Variants in PDE10A observed in about 807,000 individuals in gnomAD.
PDE10A encodes phosphodiesterase 10A, also known as cAMP and cAMP-inhibited cGMP 3',5'-cyclic phosphodiesterase 10A.
PDE10A carries 39 observed loss-of-function variants against 97.7 expected under a neutral mutation model. The ratio of observed to expected loss-of-function variants is 0.40; its 90% CI spans 0.31 to 0.52. PDE10A has a LOEUF of 0.52. Ranked by LOEUF, PDE10A falls within the 20% of genes least tolerant of loss-of-function variation. PDE10A has a pLI of 0.56. For missense variants in PDE10A, 731 were observed against 1,047.8 expected (o/e 0.70, Z 4.17); for synonymous variants, 371 against 376.8 (o/e 0.98, Z 0.18).
At chr6:165,895,213 T>A (rs531616477) in intron 1 of PDE10A, among the ~76,000 whole-genome samples, 19 of 152,250 alleles carry the variant, frequency 1.2e-4, no homozygotes, top group African/African-American at 4.6e-4. Flanking sequence ...TCTTTGCAGA[T>A]GTGAGGATGA....
intron 1 of PDE10A, among the ~76,000 whole-genome samples, chr6:165,870,997 T>C (rs1349596851): frequency 1.3e-5 from 2 of 152,170 alleles, no homozygotes; most frequent in Non-Finnish European, 2.9e-5. Flanking sequence ...GGCACACACA[T>C]GCAGTTACAC....
At chr6:165,914,448 C>T (rs1190904596) in intron 1 of PDE10A, among the ~76,000 whole-genome samples, 1 of 152,186 alleles carries the variant, frequency 6.6e-6, no homozygotes, top group African/African-American at 2.4e-5. Context: ...TATGGATATC[C>T]ACCAAGTTGC....
intron 1 of PDE10A, among the ~76,000 whole-genome samples, chr6:165,924,065 T>C (rs1782843948): frequency 6.6e-6 from 1 of 152,194 alleles, no homozygotes; most frequent in Non-Finnish European, 1.5e-5. Flanking sequence ...TAGTTGTAGA[T>C]GCAGAGTATG....
intron 3 of PDE10A, among the ~76,000 whole-genome samples, chr6:165,450,707 C>A (rs987080331): frequency 6.6e-5 from 10 of 151,956 alleles, no homozygotes; most frequent in Non-Finnish European, 1.5e-4. Context: ...AGGCACACAC[C>A]ACCACACCAT....
At chr6:165,848,032 A>G (rs757203743) in intron 1 of PDE10A, among the ~76,000 whole-genome samples, 33 of 152,312 alleles carry the variant, frequency 2.2e-4, no homozygotes, top group Admixed American at 5.2e-4. Context: ...ATGGCCTGCC[A>G]TATATTGCCA....
intron 1 of PDE10A, among the ~76,000 whole-genome samples, chr6:165,734,725 G>A (rs908373261): frequency 6.6e-5 from 10 of 152,136 alleles, no homozygotes; most frequent in African/African-American, 2.4e-4. Flanking sequence ...AGAGACATGG[G>A]TACAGAAGGA....
chr6:165,919,758 C>T (rs868383445), intron 1 of PDE10A, among the ~76,000 whole-genome samples: 1 of 152,170 alleles, frequency 6.6e-6, no homozygotes, highest in African/African-American at 2.4e-5. Flanking sequence ...GTTTTAAGAG[C>T]TATAATTATT....
At chr6:165,647,062 C>T (rs1789437339) in intron 1 of PDE10A, among the ~76,000 whole-genome samples, 1 of 152,192 alleles carries the variant, frequency 6.6e-6, no homozygotes, top group Non-Finnish European at 1.5e-5. Flanking sequence ...TCATGATGGG[C>T]ACATTCTCAC....
intron 1 of PDE10A, among the ~76,000 whole-genome samples, chr6:165,750,429 C>A (rs1454955080): frequency 6.6e-6 from 1 of 152,216 alleles, no homozygotes; most frequent in African/African-American, 2.4e-5. Flanking sequence ...GGCCCCCTGG[C>A]TGCTGGTAAG....
At chr6:165,838,291 C>T (rs189546691) in intron 1 of PDE10A, among the ~76,000 whole-genome samples, 3 of 152,208 alleles carry the variant, frequency 2.0e-5, no homozygotes, top group East Asian at 1.9e-4. Flanking sequence ...AAAGTGAAGC[C>T]GGGAAATAAT....
intron 1 of PDE10A, among the ~76,000 whole-genome samples, chr6:165,941,624 A>G (rs1322667611): frequency 6.6e-6 from 1 of 150,778 alleles, no homozygotes; most frequent in Non-Finnish European, 1.5e-5. Flanking sequence ...GTGTGTAGCA[A>G]CTCCCTCCCC....
rs1354099779 is a variant in PDE10A, at chr6:165,332,521, C to T, written c.*504G>A. On this transcript the variant is annotated 3_prime_UTR_variant, in exon 22 of 22. Coordinates refer to ENST00000539869, the MANE Select transcript of PDE10A (RefSeq NM_001385079.1). Reference sequence around the variant, plus strand: ...TGTCCTGAGGCTGTGGACTACAACTCAAGTTAATTACAAGTAGGTCATACA... The same window carrying T: ...TGTCCTGAGGCTGTGGACTACAACTTAAGTTAATTACAAGTAGGTCATACA... The T allele has an allele frequency of 6.6e-6, 1 of 152,364 alleles. No homozygotes were observed. The highest frequency in any genetic ancestry group is 2.4e-5 in the African/African-American group (1 of 41,432). 9.4% of individuals were successfully genotyped at this position (152,364 alleles called of 1,614,324 possible).
At position 165,350,766 on chromosome 6, in the gene PDE10A, T is replaced by G. The variant is rs146469502; in HGVS notation, c.2784-7264A>C. ...TCCTCTTCTCATGATAGTGAGTTAG[T>G]TCTCACAAGAGCTGATGGTTTTGTA... On this transcript the variant is annotated intron_variant, in intron 18 of 21. Transcript: ENST00000539869. 7.8e-3 allele frequency among the ~76,000 whole-genome samples: 1,186 copies of G among 152,272 alleles called. 63 individuals are homozygous for G. Among genetic ancestry groups the G allele is most frequent in the Admixed American group, 0.071 (1,079 of 15,292 alleles).
At chr6:165,519,993 G>T (rs1782037544) in intron 2 of PDE10A, among the ~76,000 whole-genome samples, 1 of 152,088 alleles carries the variant, frequency 6.6e-6, no homozygotes, top group African/African-American at 2.4e-5. Context: ...AAGTGGAAAG[G>T]AACTCAGTGG....
chr6:165,740,565 C>T (rs1408505000), intron 1 of PDE10A, among the ~76,000 whole-genome samples: 1 of 152,120 alleles, frequency 6.6e-6, no homozygotes, highest in African/African-American at 2.4e-5. Flanking sequence ...CATCTCCTGA[C>T]CTCGTGATCC....
intron 1 of PDE10A, among the ~76,000 whole-genome samples, chr6:165,827,724 T>A (rs150655091): frequency 6.6e-6 from 1 of 152,172 alleles, no homozygotes; most frequent in Non-Finnish European, 1.5e-5. Context: ...AGTTCTTTAG[T>A]GGTGATTTCT....
At chr6:165,823,158 C>G (rs1036179856) in intron 1 of PDE10A, among the ~76,000 whole-genome samples, 2 of 151,872 alleles carry the variant, frequency 1.3e-5, no homozygotes, top group Middle Eastern at 3.4e-3. Flanking sequence ...AACTTTTGGG[C>G]CCTTGTCCAA....
intron 1 of PDE10A, chr6:165,987,411 G>T: frequency 3.1e-6 from 1 of 318,580 alleles, no homozygotes; most frequent in South Asian, 2.6e-5. Flanking sequence ...TTGCCAAAAA[G>T]GGTGGAGGGA....
chr6:165,359,757 T>C (rs1583109449), intron 18 of PDE10A, among the ~76,000 whole-genome samples: 1 of 152,182 alleles, frequency 6.6e-6, no homozygotes, highest in Admixed American at 6.5e-5. Context: ...AGATAGTAAA[T>C]ACTTCAATTT....
Sources: gnomAD v4.1 joint callset for allele counts (sites outside exome capture counted in the v4.1 genomes callset) on GRCh38, gnomAD v4.1.1 for gene constraint, MANE v1.5 for transcripts, NCBI Gene and HGNC (gene_info 2026-07-23, HGNC 2026-07-21) for gene names.